The following SRGAP1 variants were observed in gnomAD, a reference collection of about 807,000 sequenced individuals.
The protein encoded by SRGAP1 is SLIT-ROBO Rho GTPase activating protein 1, also known as SLIT-ROBO Rho GTPase-activating protein 1.
A neutral mutation model predicts 121.9 loss-of-function variants in SRGAP1; 43 were observed. That is an observed-to-expected ratio of 0.35 (90% CI 0.28 to 0.46). The LOEUF is 0.46. SRGAP1 is among the 20% of genes least tolerant of loss of function. The pLI, the probability that SRGAP1 is intolerant of heterozygous loss-of-function variation, is 1.00. For missense variants in SRGAP1, 1,102 were observed against 1,350.9 expected (o/e 0.82, Z 2.89); for synonymous variants, 447 against 485.4 (o/e 0.92, Z 1.04).
chr12:63,886,635 C>T (rs1179261001), intron 1 of SRGAP1, among the ~76,000 whole-genome samples: 1 of 149,446 alleles, frequency 6.7e-6, no homozygotes, highest in Admixed American at 6.6e-5. Flanking sequence ...GTGCGCCCAG[C>T]TAATTTTTTT....
rs143763649 is a variant in SRGAP1, at chr12:63,955,709, G to GA, written c.68-28227dup. 1.2e-3 allele frequency among the ~76,000 whole-genome samples: 160 copies of GA among 137,436 alleles called. No homozygotes were observed. In the East Asian group the frequency reaches 0.012, roughly 10 times the overall value. The allele number at this position is 137,436 out of a possible 152,430, so 90.2% of individuals were successfully genotyped here. ...TCATAAGTTTCTCTTTTTTATTTTT[G>GA]AAAAAAAAAAACAAGCTTTTGAAGA... is the stretch of plus-strand genomic sequence containing the variant. On this transcript the variant is annotated intron_variant, in intron 1 of 21. Coordinates refer to ENST00000355086, the MANE Select transcript of SRGAP1 (RefSeq NM_020762.4).
intron 1 of SRGAP1, among the ~76,000 whole-genome samples, chr12:63,897,384 T>G (rs1900788662): frequency 6.6e-6 from 1 of 152,246 alleles, no homozygotes; most frequent in African/African-American, 2.4e-5. Flanking sequence ...AGAGCAATGC[T>G]TATGAGAATA....
At chr12:63,880,168 C>A (rs1262031855) in intron 1 of SRGAP1, among the ~76,000 whole-genome samples, 1 of 152,176 alleles carries the variant, frequency 6.6e-6, no homozygotes, top group Non-Finnish European at 1.5e-5. Flanking sequence ...TTCCTTTTCT[C>A]CTCCTTCGCC....
chr12:63,984,336 C>T (rs948475572), intron 2 of SRGAP1, among the ~76,000 whole-genome samples, 194 bp downstream of exon 2: 3 of 152,096 alleles, frequency 2.0e-5, no homozygotes, highest in Admixed American at 2.0e-4. Context: ...AATCTGTTGA[C>T]ACTTTTGTCT....
chr12:64,104,510 G>GT, intron 15 of SRGAP1, among the ~76,000 whole-genome samples: 4 of 152,206 alleles, frequency 2.6e-5, no homozygotes, highest in African/African-American at 9.6e-5. Flanking sequence ...GAGCCAGCTA[G>GT]GAACACACAT....
intron 21 of SRGAP1, among the ~76,000 whole-genome samples, chr12:64,137,095 C>G (rs56226535): frequency 0.061 from 9,292 of 152,082 alleles, 412 homozygotes; most frequent in Middle Eastern, 0.11. Flanking sequence ...GAAACCCTGT[C>G]TCTACAAAAA....
rs140146032 is a variant in SRGAP1 at position 63,869,246 on chromosome 12, T to C, written c.67+24363T>C. On this transcript the variant is annotated intron_variant, in intron 1 of 21. Coordinates refer to ENST00000355086, the MANE Select transcript of SRGAP1 (RefSeq NM_020762.4). ...AGGGCCTTCTTGCTACATCATCCCA[T>C]GGCAGAAAGGCAAAGAAAGGGCAAG... is the stretch of plus-strand genomic sequence containing the variant. Among the ~76,000 whole-genome samples, 203 of 152,270 alleles carry C rather than the reference T, an allele frequency of 1.3e-3. 1 individual carries two copies. Among genetic ancestry groups the C allele is most frequent in the African/African-American group, 4.8e-3 (198 of 41,548 alleles).
At chr12:63,877,774 G>T (rs925805721) in intron 1 of SRGAP1, among the ~76,000 whole-genome samples, 1 of 152,216 alleles carries the variant, frequency 6.6e-6, no homozygotes, top group Non-Finnish European at 1.5e-5. Context: ...CCAGCACTCA[G>T]CTTAGATACC....
chr12:63,990,057 C>G lies in SRGAP1; in HGVS notation c.411C>G (p.Thr137=), dbSNP rs1462241035. 15 of 1,606,606 alleles carry G rather than the reference C, an allele frequency of 9.3e-6. No individual in the cohort carries two copies. The highest frequency in any genetic ancestry group is 1.2e-5 in the Non-Finnish European group (14 of 1,177,400). ...MRFMQISEDS[T]RMFKKSKEIA... ...TCATGCAGATAAGTGAGGATTCTAC[C>G]AGGATGTTTAAAAAGGTACACTCCA... Residue 137 remains threonine (T), a synonymous_variant, in exon 3 of 22, where the codon ACC becomes ACG. Coordinates refer to ENST00000355086, the MANE Select transcript of SRGAP1 (RefSeq NM_020762.4).
At chr12:64,120,462 C>A (rs574814619) in intron 18 of SRGAP1, 1 of 152,232 alleles carries the variant, frequency 6.6e-6, no homozygotes, top group East Asian at 1.9e-4. Context: ...ATGGGATTCT[C>A]AGATGATTTG....
chr12:64,139,954 C>A lies in SRGAP1; in HGVS notation c.2881-2341C>A, dbSNP rs373265729. 2.3e-3 allele frequency among the ~76,000 whole-genome samples: 353 copies of A among 151,702 alleles called. 1 individual carries two copies. Among genetic ancestry groups the A allele is most frequent in the African/African-American group, 8.2e-3 (341 of 41,336 alleles). On this transcript the variant is annotated intron_variant, in intron 21 of 21. Transcript: ENST00000355086. Reference sequence around the variant, plus strand: ...GGAAGGGATCCAGTTTCAGCTTTCTCCATATGGCTAGCCAGTTTTCCCAGC... The same window carrying A: ...GGAAGGGATCCAGTTTCAGCTTTCTACATATGGCTAGCCAGTTTTCCCAGC...
chr12:64,122,813 G>A (rs542426447), intron 18 of SRGAP1, among the ~76,000 whole-genome samples: 3 of 152,236 alleles, frequency 2.0e-5, no homozygotes, highest in South Asian at 4.1e-4. Flanking sequence ...CATGAGAATC[G>A]CTTGAACCCG....
chr12:64,016,971 C>A lies in SRGAP1; in HGVS notation c.448C>A (p.Leu150Ile). 6.4e-7 allele frequency: 1 copy of A among 1,550,862 alleles called. No homozygotes were observed. Among genetic ancestry groups the A allele is most frequent in the Non-Finnish European group, 8.9e-7 (1 of 1,129,340 alleles). Reference sequence around the variant, plus strand: ...ACAGAGCAAAGAGATTGCATTCCAACTTCATGAGGATTTAATGAAGGTTCT... The same window carrying A: ...ACAGAGCAAAGAGATTGCATTCCAAATTCATGAGGATTTAATGAAGGTTCT... ...FKKSKEIAFQLHEDLMKVLNE... is the reference protein window; with the variant it reads ...FKKSKEIAFQIHEDLMKVLNE... The change falls in exon 4 of 22, where the codon CTT becomes ATT. Residue 150 changes from leucine (L) to isoleucine (I), a missense_variant. Coordinates refer to ENST00000355086, the MANE Select transcript of SRGAP1 (RefSeq NM_020762.4).
At chr12:63,907,379 A>G (rs2030264676) in intron 1 of SRGAP1, among the ~76,000 whole-genome samples, 1 of 152,020 alleles carries the variant, frequency 6.6e-6, no homozygotes, top group Non-Finnish European at 1.5e-5. Flanking sequence ...TCTACTAAAA[A>G]TGTAAAAAAT....
chr12:64,113,720 C>G (rs1018285423), intron 17 of SRGAP1, among the ~76,000 whole-genome samples: 2 of 152,210 alleles, frequency 1.3e-5, no homozygotes, highest in Non-Finnish European at 2.9e-5. Flanking sequence ...TGCACATGAT[C>G]TCTTTTATTT....
At chr12:63,854,656 AT>A (rs1899180054) in intron 1 of SRGAP1, among the ~76,000 whole-genome samples, 1 of 152,236 alleles carries the variant, frequency 6.6e-6, no homozygotes, top group Admixed American at 6.5e-5. Flanking sequence ...TTATGTTAAG[AT>A]TAATCTACCT....
Position 64,144,014 on chromosome 12 carries a change from CTATG to C in SRGAP1, c.*1345_*1348del, listed in dbSNP as rs2037010078. 6.6e-6 allele frequency: 1 copy of C among 152,160 alleles called. No individual in the cohort carries two copies. The highest frequency in any genetic ancestry group is 1.5e-5 in the Non-Finnish European group (1 of 68,060). 9.4% of individuals were successfully genotyped at this position (152,160 alleles called of 1,614,324 possible). Reference sequence around the variant, plus strand: ...TTGGTTTTGGTTTTGTATGTGGGCTCTATGTAACTCCCATAGTCAGCTGAACTCT... The same window carrying C: ...TTGGTTTTGGTTTTGTATGTGGGCTCTAACTCCCATAGTCAGCTGAACTCT... On this transcript the variant is annotated 3_prime_UTR_variant, in exon 22 of 22. Transcript: ENST00000355086.
At chr12:63,980,437 T>G (rs904700269) in intron 1 of SRGAP1, among the ~76,000 whole-genome samples, 2 of 152,188 alleles carry the variant, frequency 1.3e-5, no homozygotes, top group Non-Finnish European at 2.9e-5. Context: ...TAAAATTCTT[T>G]AAATTCTTTG....
At position 63,872,989 on chromosome 12, in the gene SRGAP1, T is replaced by C. The variant is rs1369982053; in HGVS notation, c.67+28106T>C. ...TAGGAAAGGAGGGGCATTCTGGGTA[T>C]AGGAAAGGCTCCTGAAATGATTCTA... On this transcript the variant is annotated intron_variant, in intron 1 of 21. Coordinates refer to ENST00000355086, the MANE Select transcript of SRGAP1 (RefSeq NM_020762.4). Among the ~76,000 whole-genome samples the C allele has an allele frequency of 3.9e-5, 6 of 152,232 alleles. 1 individual carries two copies. The South Asian group carries it at 8.3e-4, about 21-fold the overall frequency.
Sources: allele counts gnomAD v4.1 joint callset (sites outside exome capture counted in the v4.1 genomes callset), GRCh38; gene constraint gnomAD v4.1.1; transcripts MANE v1.5; gene names NCBI Gene and HGNC (gene_info 2026-07-23, HGNC 2026-07-21).